GRM8: variants seen among roughly 807,000 people sequenced by gnomAD.
The protein encoded by GRM8 is glutamate metabotropic receptor 8, also known as metabotropic glutamate receptor 8.
In GRM8, 47 loss-of-function variants were observed where a neutral mutation model predicts 87.2. The observed-to-expected ratio is 0.54, with a 90% CI of 0.43 to 0.69. The LOEUF is 0.69. GRM8 is among the 30% of genes least tolerant of loss of function. GRM8 has a pLI of 0.00. For synonymous variants in GRM8, 396 were observed against 404.5 expected (o/e 0.98, Z 0.25); for missense variants, 1,019 against 1,139.2 (o/e 0.89, Z 1.52).
chr7:126,504,254 A>C (rs532768965), intron 9 of GRM8, among the ~76,000 whole-genome samples: 1 of 152,190 alleles, frequency 6.6e-6, no homozygotes, highest in African/African-American at 2.4e-5. Context: ...AGATGTGCAT[A>C]TTACATTTTA....
At chr7:126,737,053 T>A (rs1377197822) in intron 7 of GRM8, among the ~76,000 whole-genome samples, 2 of 152,084 alleles carry the variant, frequency 1.3e-5, no homozygotes, top group Non-Finnish European at 2.9e-5. Context: ...ACCTCCTTCC[T>A]GCCTGGGGAC....
chr7:127,134,566 A>G (rs997007168), intron 2 of GRM8, among the ~76,000 whole-genome samples: 2 of 152,218 alleles, frequency 1.3e-5, no homozygotes, highest in Non-Finnish European at 2.9e-5. Flanking sequence ...TGGTCAAAAT[A>G]TTAATAGAAT....
intron 6 of GRM8, among the ~76,000 whole-genome samples, chr7:126,846,412 G>A (rs879873957): frequency 1.3e-5 from 2 of 152,360 alleles, no homozygotes; most frequent in South Asian, 2.1e-4. Flanking sequence ...GAACTTAAGT[G>A]TAATGGTATC....
At chr7:126,611,262 C>T (rs1251722341) in intron 7 of GRM8, among the ~76,000 whole-genome samples, 1 of 152,148 alleles carries the variant, frequency 6.6e-6, no homozygotes, top group Non-Finnish European at 1.5e-5. Flanking sequence ...TGACCTCGAG[C>T]AGGTTAACCT....
chr7:127,145,439 G>A (rs1474678871), intron 2 of GRM8, among the ~76,000 whole-genome samples: 2 of 152,040 alleles, frequency 1.3e-5, no homozygotes, highest in African/African-American at 4.8e-5. Context: ...AGTATTTAAT[G>A]TCTTTCTACA....
intron 8 of GRM8, among the ~76,000 whole-genome samples, chr7:126,555,505 A>C (rs1351979445): frequency 6.6e-6 from 1 of 151,526 alleles, no homozygotes; most frequent in African/African-American, 2.4e-5. Context: ...AATTATTGGA[A>C]ATGAACAATT....
intron 2 of GRM8, among the ~76,000 whole-genome samples, chr7:127,219,098 G>A (rs1001834094): frequency 2.6e-5 from 4 of 152,178 alleles, no homozygotes; most frequent in Admixed American, 1.3e-4. Flanking sequence ...AATGCTTTCC[G>A]ATGGTGAGAA....
intron 3 of GRM8, among the ~76,000 whole-genome samples, chr7:126,913,138 T>C (rs1285659105): frequency 2.0e-5 from 3 of 152,240 alleles, no homozygotes. Context: ...GTTCCAACTG[T>C]GATGGAAATT....
At chr7:127,082,657 C>CTAATAACAG (rs2132804189) in intron 3 of GRM8, among the ~76,000 whole-genome samples, 1 of 152,290 alleles carries the variant, frequency 6.6e-6, no homozygotes, top group South Asian at 2.1e-4. Context: ...ACAATCTTAG[C>CTAATAACAG]TGTTATTAGT....
intron 3 of GRM8, among the ~76,000 whole-genome samples, chr7:126,910,289 C>A (rs538225754): frequency 1.3e-5 from 2 of 151,932 alleles, no homozygotes; most frequent in African/African-American, 4.8e-5. Context: ...TTTTTTGTTA[C>A]TTCTTTTTCT....
chr7:126,605,130 TC>T (rs1198755581), intron 8 of GRM8, among the ~76,000 whole-genome samples: 1 of 152,162 alleles, frequency 6.6e-6, no homozygotes, highest in Non-Finnish European at 1.5e-5. Context: ...GTACACGTTC[TC>T]CCTGTGGACA....
intron 2 of GRM8, among the ~76,000 whole-genome samples, chr7:127,216,824 C>T (rs1322231830): frequency 6.6e-6 from 1 of 152,130 alleles, no homozygotes; most frequent in Admixed American, 6.5e-5. Flanking sequence ...TTCTTCCTCC[C>T]ACCTAGAATA....
chr7:127,184,553 C>A (rs1794640091), intron 2 of GRM8, among the ~76,000 whole-genome samples: 1 of 151,834 alleles, frequency 6.6e-6, no homozygotes. Context: ...AGTGAGAAAC[C>A]AGTAACTCTC....
chr7:127,090,270 A>C (rs1224538265), intron 3 of GRM8, among the ~76,000 whole-genome samples: 1 of 152,174 alleles, frequency 6.6e-6, no homozygotes, highest in African/African-American at 2.4e-5. Context: ...AGATCTGTAA[A>C]TTCCCAGCAC....
chr7:126,699,581 C>A (rs1195867021), intron 7 of GRM8, among the ~76,000 whole-genome samples: 4 of 152,084 alleles, frequency 2.6e-5, no homozygotes, highest in Non-Finnish European at 5.9e-5. Flanking sequence ...CTTCTATTTC[C>A]TCTTTCATTT....
intron 6 of GRM8, among the ~76,000 whole-genome samples, chr7:126,801,467 A>G (rs1255673078): frequency 6.6e-6 from 1 of 152,226 alleles, no homozygotes; most frequent in African/African-American, 2.4e-5. Flanking sequence ...TTTAATGAAT[A>G]GTATTTTTCT....
chr7:127,171,021 G>A (rs537044648), intron 2 of GRM8, among the ~76,000 whole-genome samples: 59 of 152,192 alleles, frequency 3.9e-4, no homozygotes, highest in South Asian at 4.1e-4. Context: ...AAAACCATTC[G>A]TGACTCAGGA....
At chr7:127,047,079 T>C (rs1325387562) in intron 3 of GRM8, among the ~76,000 whole-genome samples, 6 of 152,194 alleles carry the variant, frequency 3.9e-5, no homozygotes, top group Non-Finnish European at 7.4e-5. Flanking sequence ...ACAATATACA[T>C]TGGGCCAGGG....
intron 2 of GRM8, among the ~76,000 whole-genome samples, chr7:127,111,600 GC>G (rs2133126837): frequency 6.6e-6 from 1 of 152,308 alleles, no homozygotes; most frequent in South Asian, 2.1e-4. Flanking sequence ...CAATGGTGGA[GC>G]AAAAAGCCAC....
Sources: allele counts gnomAD v4.1 joint callset (sites outside exome capture counted in the v4.1 genomes callset), GRCh38; gene constraint gnomAD v4.1.1; transcripts MANE v1.5; gene names NCBI Gene and HGNC (gene_info 2026-07-23, HGNC 2026-07-21).